CNTN4: variants seen among roughly 807,000 people sequenced by gnomAD.
The protein encoded by CNTN4 is contactin 4, also known as contactin-4.
In CNTN4, 77 loss-of-function variants were observed where a neutral mutation model predicts 122.5. That is an observed-to-expected ratio of 0.63 (90% CI 0.52 to 0.76). The LOEUF (loss-of-function observed/expected upper bound fraction) is 0.76. CNTN4 is among the 30% of genes least tolerant of loss of function. The pLI, the probability that CNTN4 is intolerant of heterozygous loss-of-function variation, is 0.00. For missense variants in CNTN4, 1,256 were observed against 1,259.1 expected, an observed-to-expected ratio of 1.00 and a Z score of 0.04; for synonymous variants, 512 against 447.0, an observed-to-expected ratio of 1.15 and a Z score of -1.83.
intron 3 of CNTN4, among the ~76,000 whole-genome samples, chr3:2,400,898 G>T (rs1374421082): frequency 6.6e-6 from 1 of 151,072 alleles, no homozygotes; most frequent in African/African-American, 2.4e-5. Context: ...CCCATCACAG[G>T]TTTGAAATTA....
chr3:2,503,617 C>T (rs919093874), intron 3 of CNTN4, among the ~76,000 whole-genome samples: 2 of 152,080 alleles, frequency 1.3e-5, no homozygotes, highest in Non-Finnish European at 2.9e-5. Flanking sequence ...GTGGACAACC[C>T]ATGATACCAG....
chr3:2,264,191 A>G lies in CNTN4; in HGVS notation c.-144-74987A>G, dbSNP rs772543494. 4.6e-5 allele frequency among the ~76,000 whole-genome samples: 7 copies of G among 152,142 alleles called. No homozygotes were observed. In the East Asian group the frequency reaches 9.6e-4, roughly 21 times the overall value. On this transcript the variant is annotated intron_variant, in intron 2 of 24. Coordinates refer to ENST00000418658, the MANE Select transcript of CNTN4 (RefSeq NM_175607.3). ...TTGTAGTTTTTTGAGGAAACTCCTT[A>G]CTTTTTTCCATACTGGCTGTGCTAC...
At chr3:2,806,143 C>T (rs892248470) in intron 6 of CNTN4, among the ~76,000 whole-genome samples, 17 of 152,062 alleles carry the variant, frequency 1.1e-4, no homozygotes, top group Admixed American at 2.6e-4. Flanking sequence ...CCTCGGGATC[C>T]GCCTGCCTCG....
chr3:2,336,225 G>C (rs1720186), intron 2 of CNTN4, among the ~76,000 whole-genome samples: 102,504 of 142,738 alleles, frequency 0.72, 35,268 homozygotes, highest in East Asian at 0.95. Flanking sequence ...TGTTTATTTG[G>C]GGGGGGGAGG....
chr3:2,170,067 A>G (rs888520912), intron 2 of CNTN4, among the ~76,000 whole-genome samples: 5 of 152,130 alleles, frequency 3.3e-5, no homozygotes, highest in East Asian at 2.0e-4. Context: ...CACGCCTGTA[A>G]TCCCAGCACT....
At chr3:2,117,432 G>A (rs987729580) in intron 2 of CNTN4, among the ~76,000 whole-genome samples, 3 of 152,128 alleles carry the variant, frequency 2.0e-5, no homozygotes, top group African/African-American at 4.8e-5. Context: ...CTGTCCTTCT[G>A]CATTTTTCTG....
chr3:2,692,630 C>T (rs1420691040), intron 4 of CNTN4, among the ~76,000 whole-genome samples: 2 of 151,994 alleles, frequency 1.3e-5, no homozygotes, highest in Non-Finnish European at 1.5e-5. Context: ...AAAATTATTT[C>T]GTAAATATTT....
At chr3:2,428,186 G>A (rs560288332) in intron 3 of CNTN4, among the ~76,000 whole-genome samples, 1 of 152,120 alleles carries the variant, frequency 6.6e-6, no homozygotes, top group African/African-American at 2.4e-5. Context: ...TTACAATTTG[G>A]CATGTTTTTG....
At chr3:2,785,114 T>TACACAC (rs150765167) in intron 6 of CNTN4, among the ~76,000 whole-genome samples, 10,331 of 138,426 alleles carry the variant, frequency 0.075, 410 homozygotes, top group African/African-American at 0.1. Context: ...TGTACATGCG[T>TACACAC]ACACACACAC....
intron 6 of CNTN4, among the ~76,000 whole-genome samples, chr3:2,797,847 TACTC>T (rs1294725304): frequency 6.6e-6 from 1 of 151,902 alleles, no homozygotes; most frequent in Non-Finnish European, 1.5e-5. Flanking sequence ...CTATGACCCT[TACTC>T]ACATTTCTTG....
intron 7 of CNTN4, among the ~76,000 whole-genome samples, chr3:2,820,138 C>T (rs1400729505): frequency 3.3e-5 from 5 of 152,122 alleles, no homozygotes; most frequent in Non-Finnish European, 7.4e-5. Context: ...GGCTCAGTCC[C>T]ACAAGGCTGC....
chr3:2,962,713 C>T (rs1352479145), intron 13 of CNTN4, among the ~76,000 whole-genome samples: 2 of 152,148 alleles, frequency 1.3e-5, no homozygotes, highest in African/African-American at 4.8e-5. Context: ...GGCCTCTGAC[C>T]ACAGCCTTAC....
At chr3:2,464,450 T>C (rs79161424) in intron 3 of CNTN4, among the ~76,000 whole-genome samples, 1,588 of 152,212 alleles carry the variant, frequency 0.01, 38 homozygotes, top group African/African-American at 0.036. Context: ...CTTAAAGGAA[T>C]GTTGAGGAAA....
chr3:2,241,911 CT>C (rs544953626), intron 2 of CNTN4, among the ~76,000 whole-genome samples: 137 of 149,942 alleles, frequency 9.1e-4, no homozygotes, highest in Non-Finnish European at 1.6e-3. Flanking sequence ...AAGGATCTCA[CT>C]TATCTTCTTG....
At chr3:2,252,228 A>C (rs184829501) in intron 2 of CNTN4, among the ~76,000 whole-genome samples, 58 of 152,134 alleles carry the variant, frequency 3.8e-4, no homozygotes, top group African/African-American at 1.4e-3. Context: ...TATACTCTTG[A>C]TAAAGTTTTT....
intron 2 of CNTN4, among the ~76,000 whole-genome samples, chr3:2,104,917 T>C (rs1171971103): frequency 1.3e-5 from 2 of 152,310 alleles, no homozygotes; most frequent in Non-Finnish European, 2.9e-5. Flanking sequence ...TTGACCTCTA[T>C]TACTATCCCA....
chr3:2,311,219 G>A (rs911565467), intron 2 of CNTN4, among the ~76,000 whole-genome samples: 7 of 152,074 alleles, frequency 4.6e-5, no homozygotes, highest in Non-Finnish European at 8.8e-5. Flanking sequence ...TAGCAAGAAT[G>A]AGTCATAGTC....
At chr3:2,264,447 C>T (rs2040961794) in intron 2 of CNTN4, among the ~76,000 whole-genome samples, 1 of 151,940 alleles carries the variant, frequency 6.6e-6, no homozygotes, top group Non-Finnish European at 1.5e-5. Flanking sequence ...GGTCCTTTGC[C>T]TATTTTTTAA....
Position 3,056,249 on chromosome 3 carries a change from A to G in CNTN4, c.*29A>G, listed in dbSNP as rs952945060. The G allele has an allele frequency of 2.0e-6, 3 of 1,515,434 alleles. No individual in the cohort carries two copies. Among genetic ancestry groups the G allele is most frequent in the South Asian group, 1.1e-5 (1 of 89,058 alleles). The allele number at this position is 1,515,434 out of a possible 1,614,324, so 93.9% of individuals were successfully genotyped here. A position where few individuals can be genotyped will look rare whatever the true frequency, so the allele number is the denominator to read the frequency against. On this transcript the variant is annotated 3_prime_UTR_variant, in exon 25 of 25. Coordinates refer to ENST00000418658, the MANE Select transcript of CNTN4 (RefSeq NM_175607.3). ...AAGTTATCTGAAGGACTTGCTGTTT[A>G]TAATATAAGCAACATTTAGCTAGTT... is the stretch of plus-strand genomic sequence containing the variant.
Sources: allele counts gnomAD v4.1 joint callset (sites outside exome capture counted in the v4.1 genomes callset), GRCh38; gene constraint gnomAD v4.1.1; transcripts MANE v1.5; gene names NCBI Gene and HGNC (gene_info 2026-07-23, HGNC 2026-07-21).